TMEFF1: variants seen among roughly 807,000 people sequenced by gnomAD.
The protein encoded by TMEFF1 is tomoregulin-1.
Under a neutral mutation model 47.5 loss-of-function variants are expected in TMEFF1, and 20 were observed. The ratio of observed to expected loss-of-function variants is 0.42; its 90% CI spans 0.30 to 0.61. TMEFF1 has a LOEUF of 0.61. Among genes scored for constraint, TMEFF1 ranks in the 20% least tolerant of loss-of-function variants. The pLI, the probability that TMEFF1 is intolerant of heterozygous loss-of-function variation, is 0.19. For missense variants in TMEFF1, 411 were observed against 471.1 expected (o/e 0.87, Z 1.18); for synonymous variants, 162 against 166.3 (o/e 0.97, Z 0.20).
In TMEFF1 at chr9:100,473,666, A is replaced by G. The variant is rs1196093825; in HGVS notation, c.122A>G (p.Asn41Ser). The G allele has an allele frequency of 1.3e-6, 2 of 1,545,220 alleles. No homozygotes were observed. The highest frequency in any genetic ancestry group is 2.5e-5 in the East Asian group (1 of 40,678). The change falls in exon 1 of 10, where the codon AAC becomes AGC. Residue 41 changes from asparagine (N) to serine (S), a missense_variant. Asn to Ser is a conservative substitution (Grantham distance 46, BLOSUM62 1). Transcript: ENST00000374879. This position sits in a 1 kb window ranked among gnomAD's most constrained non-coding sequence, Gnocchi z 5.4. ...TCTCTGCCCGGGAGCCGCGCGTCCA[A>G]CCAGCCCCCGGGTGGTGGCGGCGGC... Reference protein sequence around the residue: ...AFSLPGSRASNQPPGGGGGSG... With the variant: ...AFSLPGSRASSQPPGGGGGSG...
chr9:100,502,151 G>C (rs1322287393), intron 2 of TMEFF1, among the ~76,000 whole-genome samples: 1 of 151,930 alleles, frequency 6.6e-6, no homozygotes, highest in Non-Finnish European at 1.5e-5. Context: ...TCATTTAATA[G>C]TATTTATCTT....
At chr9:100,501,451 C>G (rs1283089505) in intron 2 of TMEFF1, among the ~76,000 whole-genome samples, 1 of 151,674 alleles carries the variant, frequency 6.6e-6, no homozygotes, top group Non-Finnish European at 1.5e-5. Flanking sequence ...ATTTCATATT[C>G]TGTGTCTAGT....
rs1009928588 is a variant in TMEFF1 at position 100,473,255 on chromosome 9, G to GCC, written c.-288_-287dup. On this transcript the variant is annotated 5_prime_UTR_variant, in exon 1 of 10. Coordinates refer to ENST00000374879, the MANE Select transcript of TMEFF1 (RefSeq NM_003692.5). This position sits in a 1 kb window ranked among gnomAD's most constrained non-coding sequence, Gnocchi z 5.4. The stretch of plus-strand genomic sequence containing the variant: ...CGCGACCCCCGCCCGCCGCGCGCGC[G>GCC]CCCGCCCGCTCCCCTCGCCGCGGTG... 1.3e-5 allele frequency: 2 copies of GCC among 149,096 alleles called. No individual in the cohort carries two copies. Among genetic ancestry groups the GCC allele is most frequent in the Admixed American group, 1.3e-4 (2 of 14,934 alleles). The allele number at this position is 149,096 out of a possible 1,614,324, so 9.2% of individuals were successfully genotyped here. A position where few individuals can be genotyped will look rare whatever the true frequency, so the allele number is the denominator to read the frequency against.
chr9:100,546,253 G>A (rs913935981), intron 5 of TMEFF1, among the ~76,000 whole-genome samples: 1 of 152,136 alleles, frequency 6.6e-6, no homozygotes, highest in Admixed American at 6.5e-5. Context: ...ACGTGGCTGG[G>A]GAGGCCTCAC....
At chr9:100,482,478 G>T (rs1364129990) in intron 1 of TMEFF1, among the ~76,000 whole-genome samples, 4 of 152,138 alleles carry the variant, frequency 2.6e-5, no homozygotes, top group African/African-American at 9.7e-5. Context: ...GATTACAGGC[G>T]TGAGCCACCA....
chr9:100,512,736 G>A (rs899968824), intron 3 of TMEFF1, among the ~76,000 whole-genome samples: 1 of 152,086 alleles, frequency 6.6e-6, no homozygotes, highest in Non-Finnish European at 1.5e-5. Context: ...TAAGTCCTTC[G>A]GATTGGATTT....
At chr9:100,575,838 C>T (rs2118591645) in intron 9 of TMEFF1, among the ~76,000 whole-genome samples, 1 of 151,992 alleles carries the variant, frequency 6.6e-6, no homozygotes, top group East Asian at 1.9e-4. Flanking sequence ...ATCTAGTGTG[C>T]AGGCACAAGA....
In TMEFF1 at chr9:100,577,313, G is replaced by C. The variant is rs866573501; in HGVS notation, c.*713G>C. On this transcript the variant is annotated 3_prime_UTR_variant, in exon 10 of 10. Transcript: ENST00000374879. ...ACTTTAATACACATTCATTTTTAAA[G>C]AAAATGTTTGTTTTAACATAAATAA... is the stretch of plus-strand genomic sequence containing the variant. 1 of 152,554 alleles carries C rather than the reference G, an allele frequency of 6.6e-6. No individual in the cohort carries two copies. The highest frequency in any genetic ancestry group is 6.5e-5 in the Admixed American group (1 of 15,276). 9.5% of individuals were successfully genotyped at this position (152,554 alleles called of 1,614,324 possible).
intron 5 of TMEFF1, among the ~76,000 whole-genome samples, chr9:100,536,680 C>A (rs188224608): frequency 3.9e-5 from 6 of 152,122 alleles, no homozygotes; most frequent in Non-Finnish European, 8.8e-5. Flanking sequence ...CTAAATCTAA[C>A]CTCTTTTTCT....
chr9:100,473,660 C>T lies in TMEFF1; in HGVS notation c.116C>T (p.Ala39Val). ...LFAFSLPGSR[A>V]SNQPPGGGGG... is the part of the protein sequence containing the mutation. ...GCCTTCTCTCTGCCCGGGAGCCGCG[C>T]GTCCAACCAGCCCCCGGGTGGTGGC... Residue 39 changes from alanine (A) to valine (V), a missense_variant, in exon 1 of 10, where the codon GCG (alanine) becomes GTG (valine). Coordinates refer to ENST00000374879, the MANE Select transcript of TMEFF1 (RefSeq NM_003692.5). The surrounding 1 kb of genome is among the most constrained non-coding windows in gnomAD (Gnocchi z 5.4). 1 of 1,547,036 alleles carries T rather than the reference C, an allele frequency of 6.5e-7. No individual in the cohort carries two copies. The highest frequency in any genetic ancestry group is 8.7e-7 in the Non-Finnish European group (1 of 1,146,158).
intron 5 of TMEFF1, among the ~76,000 whole-genome samples, chr9:100,528,913 C>A (rs1838320409): frequency 1.4e-5 from 2 of 143,334 alleles, no homozygotes; most frequent in Admixed American, 7.1e-5. Context: ...CCCTACAAGC[C>A]AGAAGAGAGT....
Position 100,550,172 on chromosome 9 carries a change from T to C in TMEFF1, c.775+12T>C, listed in dbSNP as rs1286250899. 3.7e-6 allele frequency: 6 copies of C among 1,605,926 alleles called. No homozygotes were observed. The Middle Eastern group carries it at 5.0e-4, about 133-fold the overall frequency. ...ACCAGATGTGAAAGGTACTGAATCA[T>C]GCATCTCCAAATTTTGGCCAGCTAT... On this transcript the variant is annotated intron_variant, in intron 7 of 9. Coordinates refer to ENST00000374879, the MANE Select transcript of TMEFF1 (RefSeq NM_003692.5).
At chr9:100,484,162 C>T (rs994631784) in intron 1 of TMEFF1, among the ~76,000 whole-genome samples, 1 of 152,128 alleles carries the variant, frequency 6.6e-6, no homozygotes, top group African/African-American at 2.4e-5. Context: ...ATAGATCATT[C>T]TGCTTTCAGT....
intron 1 of TMEFF1, among the ~76,000 whole-genome samples, chr9:100,493,721 C>T (rs1337909618): frequency 1.3e-5 from 2 of 152,072 alleles, no homozygotes; most frequent in African/African-American, 2.4e-5. Context: ...ATTTTGGTTT[C>T]AGGAAGGCAG....
At chr9:100,504,653 T>C (rs1323289963) in intron 2 of TMEFF1, among the ~76,000 whole-genome samples, 2 of 152,248 alleles carry the variant, frequency 1.3e-5, no homozygotes, top group African/African-American at 4.8e-5. Context: ...GGTAGTATTA[T>C]AATCACCGTT....
At chr9:100,548,952 C>T (rs1838785751) in intron 6 of TMEFF1, among the ~76,000 whole-genome samples, 1 of 152,136 alleles carries the variant, frequency 6.6e-6, no homozygotes, top group South Asian at 2.1e-4. Flanking sequence ...AGTGGGGTGG[C>T]ATTTAGAGCT....
At chr9:100,498,633 C>T in intron 1 of TMEFF1, 132 bp from the exon 2 acceptor site, 1 of 713,396 alleles carries the variant, frequency 1.4e-6, no homozygotes, top group Admixed American at 3.1e-5. Flanking sequence ...ATAGTTATGT[C>T]TTATTACACT....
intron 9 of TMEFF1, among the ~76,000 whole-genome samples, chr9:100,574,439 C>T (rs1839308911): frequency 6.6e-6 from 1 of 152,164 alleles, no homozygotes; most frequent in Non-Finnish European, 1.5e-5. Context: ...GGCTGGAGTG[C>T]AGTGGCATGA....
chr9:100,572,856 C>T (rs1410246319), intron 9 of TMEFF1, among the ~76,000 whole-genome samples, 180 bp downstream of exon 9: 1 of 151,770 alleles, frequency 6.6e-6, no homozygotes, highest in Non-Finnish European at 1.5e-5. Flanking sequence ...CCCAGTCTTA[C>T]AGGTATATCT....
Sources: allele counts gnomAD v4.1 joint callset (sites outside exome capture counted in the v4.1 genomes callset), GRCh38; gene constraint gnomAD v4.1.1; non-coding constraint Gnocchi (gnomAD v3.1); transcripts MANE v1.5; gene names NCBI Gene and HGNC (gene_info 2026-07-23, HGNC 2026-07-21).